Variants in FRMD5 observed in about 807,000 individuals in gnomAD.
The protein encoded by FRMD5 is FERM domain-containing protein 5.
FRMD5 carries 20 observed loss-of-function variants against 69.0 expected under a neutral mutation model. That is an observed-to-expected ratio of 0.29 (90% CI 0.20 to 0.42). FRMD5 has a LOEUF of 0.42. FRMD5 is among the 10% of genes least tolerant of loss of function. The pLI, the probability that FRMD5 is intolerant of heterozygous loss-of-function variation, is 1.00. For missense variants in FRMD5, 595 were observed against 708.6 expected, an observed-to-expected ratio of 0.84 and a Z score of 1.82; for synonymous variants, 271 against 260.1, an observed-to-expected ratio of 1.04 and a Z score of -0.40.
At chr15:44,198,400 A>G (rs894609094), upstream of FRMD5, among the ~76,000 whole-genome samples, 5 of 152,048 alleles carry the variant, frequency 3.3e-5, no homozygotes, top group Non-Finnish European at 7.4e-5. Flanking sequence ...GACCAGTTAG[A>G]TATTCATTCA....
intron 1 of FRMD5, among the ~76,000 whole-genome samples, chr15:43,950,257 G>A (rs963635636): frequency 2.6e-5 from 4 of 152,182 alleles, no homozygotes; most frequent in Non-Finnish European, 4.4e-5. Context: ...GTGGATAGGT[G>A]AACGAAGGAG....
In FRMD5 at chr15:44,027,641, TTTTTTTTTTG is replaced by T. The variant is rs932632954; in HGVS notation, c.103-103342_103-103333del. On this transcript the variant is annotated intron_variant, in intron 1 of 13. Coordinates refer to ENST00000417257, the MANE Select transcript of FRMD5 (RefSeq NM_032892.5). The stretch of plus-strand genomic sequence containing the variant: ...ACCTGTGCTGACTTTCTTTTCTAGT[TTTTTTTTTTG>T]TTTTTTTTTTTTTTTCCGAGACAGA... 1.6e-3 allele frequency among the ~76,000 whole-genome samples: 50 copies of T among 31,770 alleles called. No individual in the cohort carries two copies. The East Asian group carries it at 0.016, about 10-fold the overall frequency. 20.8% of individuals were successfully genotyped at this position (31,770 alleles called of 152,430 possible). A position where few individuals can be genotyped will look rare whatever the true frequency, so the allele number is the denominator to read the frequency against.
Position 44,145,871 on chromosome 15 carries a change from T to C in FRMD5, c.102+49082A>G, listed in dbSNP as rs144246657. Among the ~76,000 whole-genome samples, 387 of 152,338 alleles carry C rather than the reference T, an allele frequency of 2.5e-3. 2 individuals are homozygous for C. Among genetic ancestry groups the C allele is most frequent in the Non-Finnish European group, 1.9e-3 (127 of 68,032 alleles). On this transcript the variant is annotated intron_variant, in intron 1 of 13. Coordinates refer to ENST00000417257, the MANE Select transcript of FRMD5 (RefSeq NM_032892.5). The stretch of plus-strand genomic sequence containing the variant: ...TGTCTTTCATTTTAATCATCCTTAT[T>C]AGAAGAAAAACATATCATACTAAGG...
At chr15:43,941,137 G>T (rs1595540889) in intron 1 of FRMD5, among the ~76,000 whole-genome samples, 2 of 152,214 alleles carry the variant, frequency 1.3e-5, no homozygotes, top group East Asian at 3.8e-4. Context: ...GGGAGGCCAA[G>T]AAGCGGATTG....
rs753627822 is a variant in FRMD5, at chr15:43,879,659, ACT to A, written c.1135+4042_1135+4043del. 8 of 398,432 alleles carry A rather than the reference ACT, an allele frequency of 2.0e-5. No individual in the cohort carries two copies. The East Asian group carries it at 2.9e-4, about 14-fold the overall frequency. 24.7% of individuals were successfully genotyped at this position (398,432 alleles called of 1,614,324 possible). On this transcript the variant is annotated intron_variant, in intron 13 of 13. Transcript: ENST00000417257. ...GGACTCTGGTGTGAATCTTAATCAGACTCTTCCCCATGGTGGCCCAGGAAGGC... is the reference window on the plus strand; with the variant it reads ...GGACTCTGGTGTGAATCTTAATCAGACTTCCCCATGGTGGCCCAGGAAGGC...
chr15:43,888,560 C>G (rs1051209273), intron 9 of FRMD5, among the ~76,000 whole-genome samples: 1 of 152,190 alleles, frequency 6.6e-6, no homozygotes, highest in Non-Finnish European at 1.5e-5. Context: ...AGAAAAAGAG[C>G]CTTCCTTTGC....
intron 1 of FRMD5, among the ~76,000 whole-genome samples, chr15:43,965,805 C>G (rs150222057): frequency 6.6e-6 from 1 of 151,838 alleles, no homozygotes; most frequent in Non-Finnish European, 1.5e-5. Flanking sequence ...GTCTCGAACT[C>G]CTGACCTCAG....
rs1555399622 is a variant in FRMD5, at chr15:44,058,799, A to AAAAG, written c.103-134491_103-134490insCTTT. Among the ~76,000 whole-genome samples the AAAAG allele has an allele frequency of 7.3e-5, 11 of 151,398 alleles. No homozygotes were observed. The East Asian group carries it at 9.7e-4, about 13-fold the overall frequency. On this transcript the variant is annotated intron_variant, in intron 1 of 13. Transcript: ENST00000417257. Reference sequence around the variant, plus strand: ...AGACTCCGTCTCAAAAAAAAAAAAAAAAGAAGAAGAAGAAGAAATGGGGCT... The same window carrying AAAAG: ...AGACTCCGTCTCAAAAAAAAAAAAAAAAAGAAGAAGAAGAAGAAGAAATGGGGCT...
intron 5 of FRMD5, among the ~76,000 whole-genome samples, chr15:43,906,828 C>T (rs2089186869): frequency 1.3e-5 from 2 of 150,678 alleles, no homozygotes; most frequent in South Asian, 4.2e-4. Flanking sequence ...GTCTCGATCT[C>T]CTGACCTCGT....
At chr15:44,077,640 C>T (rs775162168) in intron 1 of FRMD5, among the ~76,000 whole-genome samples, 1 of 151,928 alleles carries the variant, frequency 6.6e-6, no homozygotes, top group Non-Finnish European at 1.5e-5. Flanking sequence ...AATGTGATCA[C>T]TAACAAATTT....
At chr15:44,183,956 G>A (rs1181401331) in intron 1 of FRMD5, among the ~76,000 whole-genome samples, 1 of 149,644 alleles carries the variant, frequency 6.7e-6, no homozygotes, top group Non-Finnish European at 1.5e-5. Flanking sequence ...CAGCCTGGGC[G>A]ACAGAGCAAG....
At chr15:44,185,432 C>T (rs1419901162) in intron 1 of FRMD5, among the ~76,000 whole-genome samples, 2 of 152,152 alleles carry the variant, frequency 1.3e-5, no homozygotes, top group East Asian at 3.9e-4. Flanking sequence ...GCATCATTGC[C>T]AATCCATGGA....
chr15:43,959,940 G>A (rs1245750023), intron 1 of FRMD5, among the ~76,000 whole-genome samples: 4 of 152,102 alleles, frequency 2.6e-5, no homozygotes, highest in African/African-American at 4.8e-5. Flanking sequence ...TTTTTGAGAC[G>A]GAGTTTCGCT....
intron 1 of FRMD5, among the ~76,000 whole-genome samples, chr15:44,036,472 G>A (rs551862076): frequency 1.2e-4 from 19 of 152,260 alleles, no homozygotes; most frequent in South Asian, 4.2e-4. Flanking sequence ...CCTTGCAGCC[G>A]ATTGGGCTCA....
At chr15:43,960,253 T>G (rs527869331) in intron 1 of FRMD5, among the ~76,000 whole-genome samples, 61 of 151,596 alleles carry the variant, frequency 4.0e-4, no homozygotes, top group Non-Finnish European at 4.7e-4. Context: ...CACACCCGGC[T>G]AATTTATTTT....
intron 1 of FRMD5, among the ~76,000 whole-genome samples, chr15:44,060,650 T>G (rs1038472334): frequency 8.5e-5 from 13 of 152,108 alleles, no homozygotes; most frequent in Non-Finnish European, 1.8e-4. Context: ...ACTGATGACC[T>G]AGGACAACAG....
At chr15:43,923,162 C>T (rs2089526280) in intron 2 of FRMD5, among the ~76,000 whole-genome samples, 1 of 152,184 alleles carries the variant, frequency 6.6e-6, no homozygotes, top group Non-Finnish European at 1.5e-5. Flanking sequence ...ACACTATAAG[C>T]CATTAACTCA....
chr15:44,182,423 A>G (rs1339384059), intron 1 of FRMD5, among the ~76,000 whole-genome samples: 1 of 146,870 alleles, frequency 6.8e-6, no homozygotes, highest in South Asian at 2.2e-4. Flanking sequence ...CCCACCTCAC[A>G]GGTTCAAGCA....
chr15:43,884,456 G>C (rs1037167539), intron 12 of FRMD5, among the ~76,000 whole-genome samples: 1 of 152,340 alleles, frequency 6.6e-6, no homozygotes, highest in East Asian at 1.9e-4. Context: ...TATGATCAGT[G>C]TCAAGACTAG....
Sources: gnomAD v4.1 joint callset for allele counts (sites outside exome capture counted in the v4.1 genomes callset) on GRCh38, gnomAD v4.1.1 for gene constraint, MANE v1.5 for transcripts, NCBI Gene and HGNC (gene_info 2026-07-23, HGNC 2026-07-21) for gene names.